The following ITCH variants were observed in gnomAD, a reference collection of about 807,000 sequenced individuals.
The protein encoded by ITCH is itchy E3 ubiquitin protein ligase.
ITCH carries 28 observed loss-of-function variants against 126.8 expected under a neutral mutation model. That is an observed-to-expected ratio of 0.22 (90% CI 0.16 to 0.30). The LOEUF is 0.30. Ranked by LOEUF, ITCH falls within the 10% of genes least tolerant of loss-of-function variation. ITCH has a pLI of 1.00. For synonymous variants in ITCH, 342 were observed against 340.0 expected (o/e 1.01, Z -0.06); for missense variants, 631 against 1,032.4 (o/e 0.61, Z 5.33).
intron 16 of ITCH, among the ~76,000 whole-genome samples, chr20:34,475,204 C>T (rs1988070452): frequency 1.3e-5 from 2 of 152,044 alleles, no homozygotes; most frequent in East Asian, 1.9e-4. Context: ...CCTCACATCC[C>T]AGACGATGGG....
chr20:34,372,677 G>A (rs1267747866), intron 2 of ITCH, among the ~76,000 whole-genome samples: 1 of 152,000 alleles, frequency 6.6e-6, no homozygotes, highest in Non-Finnish European at 1.5e-5. Context: ...ACCGTACCCG[G>A]CCTTTTAAGT....
At chr20:34,439,552 G>A (rs372103422) in intron 8 of ITCH, among the ~76,000 whole-genome samples, 12 of 152,260 alleles carry the variant, frequency 7.9e-5, no homozygotes, top group East Asian at 7.7e-4. Context: ...TGGGAGTTAC[G>A]GGCGTAAGCC....
rs1978331798 is a variant in ITCH at position 34,507,849 on chromosome 20, T to C, written c.*55T>C. On this transcript the variant is annotated 3_prime_UTR_variant, in exon 25 of 25. Transcript: ENST00000374864. ...AGAACTTATTTGCAATGTTTGTCCTTCTCTGCCTGTTGCACATCTTGTAAA... is the reference window on the plus strand; with the variant it reads ...AGAACTTATTTGCAATGTTTGTCCTCCTCTGCCTGTTGCACATCTTGTAAA... 1 of 1,280,832 alleles carries C rather than the reference T, an allele frequency of 7.8e-7. No homozygotes were observed. The highest frequency in any genetic ancestry group is 1.5e-5 in the African/African-American group (1 of 68,318). 79.3% of individuals were successfully genotyped at this position (1,280,832 alleles called of 1,614,324 possible).
chr20:34,446,207 A>G (rs1314298274), intron 11 of ITCH, among the ~76,000 whole-genome samples: 1 of 152,190 alleles, frequency 6.6e-6, no homozygotes, highest in Non-Finnish European at 1.5e-5. Context: ...TCTATGCCAA[A>G]CAAGATGGAT....
At chr20:34,484,819 T>C (rs1435404353) in intron 20 of ITCH, among the ~76,000 whole-genome samples, 1 of 152,188 alleles carries the variant, frequency 6.6e-6, no homozygotes, top group South Asian at 2.1e-4. Flanking sequence ...TTGTGCTAGA[T>C]CACTCATTTA....
chr20:34,507,195 T>G (rs1990668637), intron 24 of ITCH, among the ~76,000 whole-genome samples: 1 of 151,732 alleles, frequency 6.6e-6, no homozygotes, highest in African/African-American at 2.4e-5. Context: ...GTTATATTCC[T>G]ACCTGTAGTG....
At chr20:34,435,277 T>C (rs1197597845) in intron 7 of ITCH, among the ~76,000 whole-genome samples, 1 of 151,966 alleles carries the variant, frequency 6.6e-6, no homozygotes, top group African/African-American at 2.4e-5. Context: ...CAAGCGATCC[T>C]CCCAGCTCAG....
At position 34,468,079 on chromosome 20, in the gene ITCH, G is replaced by A. The variant is rs572820737; in HGVS notation, c.1425-1969G>A. On this transcript the variant is annotated intron_variant, in intron 14 of 24. Coordinates refer to ENST00000374864, the MANE Select transcript of ITCH (RefSeq NM_031483.7). ...AGACGGAGTCTCACTTTGTCGCCCA[G>A]GCTGGAGTGCAGTGGCACAATCTCA... Among the ~76,000 whole-genome samples, 619 of 148,152 alleles carry A rather than the reference G, an allele frequency of 4.2e-3. 5 individuals carry two copies. Among genetic ancestry groups the A allele is most frequent in the African/African-American group, 0.015 (609 of 39,882 alleles).
chr20:34,428,490 GTTTA>G (rs1568930078), intron 7 of ITCH, among the ~76,000 whole-genome samples: 1 of 152,086 alleles, frequency 6.6e-6, no homozygotes, highest in Non-Finnish European at 1.5e-5. Flanking sequence ...GTTGTCTTCT[GTTTA>G]TTTGTTTATT....
chr20:34,438,617 C>T lies in ITCH; in HGVS notation c.665C>T (p.Thr222Ile). The change falls in exon 8 of 25, where the codon ACC becomes ATC. Residue 222 changes from threonine (T) to isoleucine (I), a missense_variant. Physicochemically the swap from Thr to Ile is moderately conservative, Grantham distance 89. Coordinates refer to ENST00000374864, the MANE Select transcript of ITCH (RefSeq NM_031483.7). ...PPRPSRPPPP[T>I]PRRPASVNGS... ...AGACCTTCACGACCACCACCACCCACCCCACGTAGACCAGGTTTGTATTCC... is the reference window on the plus strand; with the variant it reads ...AGACCTTCACGACCACCACCACCCATCCCACGTAGACCAGGTTTGTATTCC... 6.2e-7 allele frequency: 1 copy of T among 1,613,982 alleles called. No homozygotes were observed. Among genetic ancestry groups the T allele is most frequent in the Non-Finnish European group, 8.5e-7 (1 of 1,179,994 alleles).
intron 24 of ITCH, among the ~76,000 whole-genome samples, 193 bp downstream of exon 24, chr20:34,504,596 T>C (rs1990504382): frequency 7.3e-6 from 1 of 137,010 alleles, no homozygotes; most frequent in South Asian, 2.4e-4. Flanking sequence ...ATTCCTTTTT[T>C]CACATCTGAA....
chr20:34,503,772 G>A lies in ITCH; in HGVS notation c.2417-559G>A, dbSNP rs530651082. Among the ~76,000 whole-genome samples, 17 of 151,004 alleles carry A rather than the reference G, an allele frequency of 1.1e-4. No individual in the cohort carries two copies. In the South Asian group the frequency reaches 3.1e-3, roughly 28 times the overall value. ...ACTTTTACACTTACCAGAATCACCC[G>A]GAAGCTTGTTAAAGCACATATTGCT... On this transcript the variant is annotated intron_variant, in intron 23 of 24. Transcript: ENST00000374864.
intron 3 of ITCH, among the ~76,000 whole-genome samples, chr20:34,403,011 G>GC (rs2038939416): frequency 6.7e-6 from 1 of 148,380 alleles, no homozygotes; most frequent in South Asian, 2.1e-4. Flanking sequence ...TTATACTTAT[G>GC]TTTTTTTTTT....
intron 16 of ITCH, chr20:34,475,930 G>A: frequency 2.3e-6 from 3 of 1,292,758 alleles, no homozygotes; most frequent in Non-Finnish European, 3.4e-6. Context: ...TAGTTCAGGA[G>A]GTCTTGCCCA....
At chr20:34,380,252 T>C (rs1055473543) in intron 2 of ITCH, among the ~76,000 whole-genome samples, 28 of 152,316 alleles carry the variant, frequency 1.8e-4, no homozygotes, top group African/African-American at 6.7e-4. Flanking sequence ...GTCAGAATTT[T>C]ATTCCTTTTT....
intron 13 of ITCH, among the ~76,000 whole-genome samples, chr20:34,459,105 AC>A (rs1986280353): frequency 6.6e-6 from 1 of 152,188 alleles, no homozygotes; most frequent in African/African-American, 2.4e-5. Flanking sequence ...CCAACTGTCT[AC>A]AAATTTGGGG....
chr20:34,489,778 G>A lies in ITCH; in HGVS notation c.2215-44G>A, dbSNP rs112049371. 1.8e-5 allele frequency: 24 copies of A among 1,312,550 alleles called. No individual in the cohort carries two copies. The African/African-American group carries it at 1.9e-4, about 10-fold the overall frequency. The allele number at this position is 1,312,550 out of a possible 1,614,324, so 81.3% of individuals were successfully genotyped here. A position where few individuals can be genotyped will look rare whatever the true frequency, so the allele number is the denominator to read the frequency against. ...GTCTTTCCTATGTCCAGCTGTTTTT[G>A]TACAGTTACCTTAGGAAACAATTTG... On this transcript the variant is annotated intron_variant, in intron 21 of 24. Coordinates refer to ENST00000374864, the MANE Select transcript of ITCH (RefSeq NM_031483.7).
chr20:34,480,401 C>T (rs1189637209), intron 18 of ITCH, among the ~76,000 whole-genome samples, 198 bp from the exon 19 acceptor site: 5 of 151,064 alleles, frequency 3.3e-5, no homozygotes, highest in African/African-American at 4.9e-5. Context: ...GGGGTTTCTC[C>T]ATGTTGGTCA....
intron 14 of ITCH, among the ~76,000 whole-genome samples, chr20:34,463,662 C>T (rs760182693): frequency 3.3e-5 from 5 of 150,248 alleles, no homozygotes; most frequent in Non-Finnish European, 5.9e-5. Flanking sequence ...TCCTTAATGT[C>T]GTATTTCATT....
Sources: gnomAD v4.1 joint callset for allele counts (sites outside exome capture counted in the v4.1 genomes callset) on GRCh38, gnomAD v4.1.1 for gene constraint, MANE v1.5 for transcripts, NCBI Gene and HGNC (gene_info 2026-07-23, HGNC 2026-07-21) for gene names.